ARHGAP10: variants seen among roughly 807,000 people sequenced by gnomAD.
ARHGAP10 encodes rho GTPase-activating protein 10.
In ARHGAP10, 87 loss-of-function variants were observed where a neutral mutation model predicts 108.6. That is an observed-to-expected ratio of 0.80 (90% CI 0.67 to 0.96). The LOEUF (loss-of-function observed/expected upper bound fraction) is 0.96, where lower values mean the gene tolerates loss of function less well. ARHGAP10 is among the 40% of genes least tolerant of loss of function. The pLI, the probability that ARHGAP10 is intolerant of heterozygous loss-of-function variation, is 0.00. For synonymous variants in ARHGAP10, 347 were observed against 341.1 expected (o/e 1.02, Z -0.19); for missense variants, 939 against 954.5 (o/e 0.98, Z 0.21).
intron 1 of ARHGAP10, among the ~76,000 whole-genome samples, chr4:147,753,093 G>T (rs1414233544): frequency 6.6e-6 from 1 of 152,166 alleles, no homozygotes; most frequent in Non-Finnish European, 1.5e-5. Context: ...AGACACTGTA[G>T]TCAGTTTTAA....
At chr4:147,869,874 T>G (rs1734730547) in intron 7 of ARHGAP10, among the ~76,000 whole-genome samples, 1 of 152,138 alleles carries the variant, frequency 6.6e-6, no homozygotes, top group Non-Finnish European at 1.5e-5. Flanking sequence ...CTGCTATACC[T>G]CAGTGATGTT....
Position 147,988,172 on chromosome 4 carries a change from G to A in ARHGAP10, c.1716+21333G>A, listed in dbSNP as rs10021682. Among the ~76,000 whole-genome samples, 1,501 of 151,168 alleles carry A rather than the reference G, an allele frequency of 9.9e-3. 15 individuals carry two copies. Among genetic ancestry groups the A allele is most frequent in the South Asian group, 0.028 (133 of 4,818 alleles). On this transcript the variant is annotated intron_variant, in intron 18 of 22. Transcript: ENST00000336498. ...CCTTAGGAAAACAGATGGAGCGTGT[G>A]TGTCTGGTCAACATAGTTTTAGGTA...
chr4:147,794,169 A>G (rs1262664236), intron 1 of ARHGAP10, among the ~76,000 whole-genome samples: 5 of 152,222 alleles, frequency 3.3e-5, no homozygotes, highest in Non-Finnish European at 5.9e-5. Flanking sequence ...GGAAATTTAC[A>G]GAGCGGTTAT....
intron 18 of ARHGAP10, among the ~76,000 whole-genome samples, chr4:147,986,859 T>C (rs1282668523): frequency 6.6e-6 from 1 of 152,158 alleles, no homozygotes; most frequent in African/African-American, 2.4e-5. Flanking sequence ...ACATAGTTGG[T>C]AAGTGGGGAT....
intron 19 of ARHGAP10, among the ~76,000 whole-genome samples, chr4:148,029,270 A>G (rs1728028112): frequency 6.6e-6 from 1 of 152,216 alleles, no homozygotes; most frequent in South Asian, 2.1e-4. Flanking sequence ...ACGTTCATCC[A>G]TAGGCTCATA....
intron 13 of ARHGAP10, among the ~76,000 whole-genome samples, chr4:147,936,130 G>A (rs1026527145): frequency 6.6e-6 from 1 of 152,076 alleles, no homozygotes; most frequent in East Asian, 1.9e-4. Flanking sequence ...AGCTAGAGTA[G>A]TACTGAAACC....
chr4:148,032,375 G>A (rs1166383997), intron 19 of ARHGAP10, among the ~76,000 whole-genome samples: 1 of 118,242 alleles, frequency 8.5e-6, no homozygotes, highest in African/African-American at 3.2e-5. Flanking sequence ...TGTAATCATT[G>A]AGAATTTCAT....
intron 22 of ARHGAP10, among the ~76,000 whole-genome samples, chr4:148,071,752 G>A (rs999008983): frequency 6.6e-5 from 10 of 152,154 alleles, no homozygotes; most frequent in African/African-American, 9.7e-5. Context: ...GGAAGGGGCC[G>A]GACTCTGGAA....
At chr4:147,892,766 A>G (rs1735836578) in intron 10 of ARHGAP10, among the ~76,000 whole-genome samples, 1 of 152,234 alleles carries the variant, frequency 6.6e-6, no homozygotes, top group South Asian at 2.1e-4. Context: ...GAGGTTCTCA[A>G]CTGTGGGCGA....
At chr4:147,776,781 C>T (rs1176577968) in intron 1 of ARHGAP10, among the ~76,000 whole-genome samples, 1 of 152,198 alleles carries the variant, frequency 6.6e-6, no homozygotes, top group Non-Finnish European at 1.5e-5. Flanking sequence ...GAGCTTAGTG[C>T]ACTGGGACTT....
At chr4:147,932,216 A>AATT (rs1412337625) in intron 13 of ARHGAP10, among the ~76,000 whole-genome samples, 4 of 152,332 alleles carry the variant, frequency 2.6e-5, no homozygotes, top group South Asian at 4.1e-4. Context: ...TGGGAGTGTG[A>AATT]ATTAGTTCAG....
intron 1 of ARHGAP10, among the ~76,000 whole-genome samples, chr4:147,777,287 C>G (rs1280086065): frequency 2.7e-5 from 4 of 147,416 alleles, no homozygotes; most frequent in Non-Finnish European, 1.5e-5. Flanking sequence ...TAGACGGAGT[C>G]TCACTCTGTC....
At chr4:147,743,947 A>T (rs899506877) in intron 1 of ARHGAP10, among the ~76,000 whole-genome samples, 1 of 152,204 alleles carries the variant, frequency 6.6e-6, no homozygotes, top group Non-Finnish European at 1.5e-5. Flanking sequence ...TTCAGTCATC[A>T]CTAGAACAAC....
At chr4:148,067,078 C>G (rs1260473198) in intron 22 of ARHGAP10, among the ~76,000 whole-genome samples, 2 of 152,086 alleles carry the variant, frequency 1.3e-5, no homozygotes. Context: ...TGGAAAATAC[C>G]TTGTGGATGT....
chr4:147,764,104 A>G (rs545951181), intron 1 of ARHGAP10, among the ~76,000 whole-genome samples: 1 of 152,278 alleles, frequency 6.6e-6, no homozygotes, highest in South Asian at 2.1e-4. Flanking sequence ...AATCAGCTGA[A>G]TAGAGTTGGA....
At chr4:148,009,207 T>C (rs1011461039) in intron 18 of ARHGAP10, among the ~76,000 whole-genome samples, 5 of 151,996 alleles carry the variant, frequency 3.3e-5, no homozygotes, top group Admixed American at 3.3e-4. Flanking sequence ...ATAGGCCCAC[T>C]GCAACCTCTG....
intron 19 of ARHGAP10, among the ~76,000 whole-genome samples, chr4:148,025,469 C>T (rs374524284): frequency 2.2e-4 from 34 of 151,720 alleles, no homozygotes; most frequent in African/African-American, 7.7e-4. Flanking sequence ...CAACTTAAAA[C>T]TATTATTCTC....
At chr4:147,902,617 C>T (rs1736295912) in intron 10 of ARHGAP10, among the ~76,000 whole-genome samples, 1 of 151,996 alleles carries the variant, frequency 6.6e-6, no homozygotes, top group South Asian at 2.1e-4. Context: ...GGCTGTGCAC[C>T]TGTAGTCCCA....
At chr4:147,909,351 A>G (rs926801624) in intron 11 of ARHGAP10, among the ~76,000 whole-genome samples, 2 of 152,188 alleles carry the variant, frequency 1.3e-5, no homozygotes, top group Non-Finnish European at 1.5e-5. Flanking sequence ...TTGTTTCAGA[A>G]CTCAATTGCC....
Sources: allele counts gnomAD v4.1 joint callset (sites outside exome capture counted in the v4.1 genomes callset), GRCh38; gene constraint gnomAD v4.1.1; transcripts MANE v1.5; gene names NCBI Gene and HGNC (gene_info 2026-07-23, HGNC 2026-07-21).